DCLK2: variants seen among roughly 807,000 people sequenced by gnomAD.
DCLK2 encodes the protein doublecortin like kinase 2.
Under a neutral mutation model 78.4 loss-of-function variants are expected in DCLK2, and 31 were observed. The ratio of observed to expected loss-of-function variants is 0.40; its 90% CI spans 0.30 to 0.53. The LOEUF (loss-of-function observed/expected upper bound fraction) is 0.53, where lower values mean the gene tolerates loss of function less well. Among genes scored for constraint, DCLK2 ranks in the 20% least tolerant of loss-of-function variants. The probability of loss-of-function intolerance (pLI) is 0.61; values close to 1 mark genes in which losing one functional copy is unlikely to be tolerated. For synonymous variants in DCLK2, 407 were observed against 374.9 expected, an observed-to-expected ratio of 1.09 and a Z score of -0.99; for missense variants, 872 against 973.7, an observed-to-expected ratio of 0.90 and a Z score of 1.39.
intron 2 of DCLK2, among the ~76,000 whole-genome samples, chr4:150,122,248 A>G (rs747405127): frequency 6.6e-6 from 1 of 152,342 alleles, no homozygotes; most frequent in Non-Finnish European, 1.5e-5. Context: ...CATATATGCT[A>G]TTACTGGGTA....
chr4:150,206,025 A>C (rs1010174104), intron 5 of DCLK2, among the ~76,000 whole-genome samples: 2 of 152,186 alleles, frequency 1.3e-5, no homozygotes, highest in Admixed American at 6.5e-5. Flanking sequence ...CCGTCTTCCT[A>C]GTCCATCTTC....
chr4:150,172,496 A>G (rs930814419), intron 2 of DCLK2, among the ~76,000 whole-genome samples: 1 of 150,736 alleles, frequency 6.6e-6, no homozygotes, highest in African/African-American at 2.4e-5. Context: ...AGTCTTAGCT[A>G]CTCAGGAGGC....
rs142930743 is a variant in DCLK2, at chr4:150,098,416, C to T, written c.422-4062C>T. On this transcript the variant is annotated intron_variant, in intron 1 of 15. Transcript: ENST00000296550. ...TGAGTGACAGACCAGCTTGTAATAA[C>T]ATTGAAGTCTAGCTATGAGTCAGCC... Among the ~76,000 whole-genome samples the T allele has an allele frequency of 3.0e-3, 464 of 152,302 alleles. 4 individuals are homozygous for T. Among genetic ancestry groups the T allele is most frequent in the African/African-American group, 9.6e-3 (397 of 41,568 alleles).
chr4:150,224,081 T>C (rs1741410106), intron 7 of DCLK2, among the ~76,000 whole-genome samples: 1 of 152,160 alleles, frequency 6.6e-6, no homozygotes, highest in Non-Finnish European at 1.5e-5. Flanking sequence ...TGTAACAGAA[T>C]TGAAATACTT....
At chr4:150,154,267 C>T (rs1207892884) in intron 2 of DCLK2, among the ~76,000 whole-genome samples, 1 of 152,176 alleles carries the variant, frequency 6.6e-6, no homozygotes, top group Non-Finnish European at 1.5e-5. Flanking sequence ...CCTTTAGTTA[C>T]TGTTTCCCGC....
intron 1 of DCLK2, among the ~76,000 whole-genome samples, chr4:150,096,742 T>A (rs2150146084): frequency 6.6e-6 from 1 of 152,202 alleles, no homozygotes; most frequent in South Asian, 2.1e-4. Context: ...AGGTAAGAAG[T>A]ACTTGGGAAC....
intron 15 of DCLK2, chr4:150,253,350 C>T (rs2126651133): frequency 4.9e-6 from 5 of 1,021,070 alleles, no homozygotes; most frequent in Middle Eastern, 2.4e-4. Flanking sequence ...CTGCTGTCAC[C>T]CTAGTGTTCT....
intron 2 of DCLK2, among the ~76,000 whole-genome samples, chr4:150,108,610 A>T (rs1731439749): frequency 6.6e-6 from 1 of 152,074 alleles, no homozygotes; most frequent in South Asian, 2.1e-4. Flanking sequence ...AGTTAAAGGG[A>T]TTGTATAGGA....
At chr4:150,172,624 A>G (rs1052816205) in intron 2 of DCLK2, among the ~76,000 whole-genome samples, 2 of 151,392 alleles carry the variant, frequency 1.3e-5, no homozygotes, top group East Asian at 3.9e-4. Context: ...AAAAAAAAAA[A>G]AAAAAGAAAT....
At chr4:150,104,775 T>TA (rs5862906) in intron 2 of DCLK2, among the ~76,000 whole-genome samples, 9 of 150,768 alleles carry the variant, frequency 6.0e-5, no homozygotes, top group South Asian at 4.2e-4. Flanking sequence ...AAAATTACAC[T>TA]AAAAAAAAAA....
intron 1 of DCLK2, among the ~76,000 whole-genome samples, chr4:150,081,635 T>A (rs1429553832): frequency 6.6e-6 from 1 of 152,054 alleles, no homozygotes; most frequent in Non-Finnish European, 1.5e-5. Flanking sequence ...TGACAATGGG[T>A]CTTTGTTTAA....
Position 150,256,939 on chromosome 4 carries a change from G to A in DCLK2, c.*692G>A, listed in dbSNP as rs1744610528. 6.6e-6 allele frequency: 1 copy of A among 152,250 alleles called. No homozygotes were observed. The highest frequency in any genetic ancestry group is 2.4e-5 in the African/African-American group (1 of 41,458). The allele number at this position is 152,250 out of a possible 1,614,324, so 9.4% of individuals were successfully genotyped here. On this transcript the variant is annotated 3_prime_UTR_variant, in exon 16 of 16. Coordinates refer to ENST00000296550, the MANE Select transcript of DCLK2 (RefSeq NM_001040260.4). ...GCTCAGTATTCATTCATACACAGAC[G>A]ATGGAAGAAGCCACTTCTTCCCTGG...
At chr4:150,102,208 A>G (rs537252189) in intron 1 of DCLK2, among the ~76,000 whole-genome samples, 3 of 152,230 alleles carry the variant, frequency 2.0e-5, no homozygotes, top group Non-Finnish European at 4.4e-5. Context: ...CAAAATGTGG[A>G]GAAATGAATT....
chr4:150,098,337 G>T (rs900462912), intron 1 of DCLK2, among the ~76,000 whole-genome samples: 1 of 152,078 alleles, frequency 6.6e-6, no homozygotes, highest in Non-Finnish European at 1.5e-5. Context: ...GAGTGACTTC[G>T]TATGATATAG....
At chr4:150,228,259 G>C (rs1159176799) in intron 8 of DCLK2, among the ~76,000 whole-genome samples, 1 of 152,172 alleles carries the variant, frequency 6.6e-6, no homozygotes, top group Admixed American at 6.5e-5. Context: ...GCAGGGATTA[G>C]GACTTGATGT....
At position 150,162,821 on chromosome 4, in the gene DCLK2, G is replaced by A. The variant is rs574323624; in HGVS notation, c.757-30317G>A. On this transcript the variant is annotated intron_variant, in intron 2 of 15. Coordinates refer to ENST00000296550, the MANE Select transcript of DCLK2 (RefSeq NM_001040260.4). ...TTGCTGTACGTACTCTTTGCTTCCT[G>A]GGACATTGATAAGTTTAACCTAGAA... 2.0e-5 allele frequency among the ~76,000 whole-genome samples: 3 copies of A among 152,104 alleles called. No homozygotes were observed. The South Asian group carries it at 6.2e-4, about 32-fold the overall frequency.
intron 1 of DCLK2, among the ~76,000 whole-genome samples, chr4:150,101,066 A>C (rs1207394631): frequency 1.3e-5 from 2 of 152,130 alleles, no homozygotes; most frequent in Non-Finnish European, 2.9e-5. Flanking sequence ...CAGCCTGGGC[A>C]ACATAATAAA....
chr4:150,238,255 GATTAATAT>G (rs2126592817), intron 10 of DCLK2, among the ~76,000 whole-genome samples: 1 of 152,050 alleles, frequency 6.6e-6, no homozygotes, highest in South Asian at 2.1e-4. Context: ...TTTCCCATAT[GATTAATAT>G]ATTTGAAAAA....
At chr4:150,173,506 A>G (rs1736706583) in intron 2 of DCLK2, among the ~76,000 whole-genome samples, 1 of 152,174 alleles carries the variant, frequency 6.6e-6, no homozygotes, top group Non-Finnish European at 1.5e-5. Context: ...TGATGAAGCC[A>G]TGGCAGCTCC....
Sources: gnomAD v4.1 joint callset for allele counts (sites outside exome capture counted in the v4.1 genomes callset) on GRCh38, gnomAD v4.1.1 for gene constraint, MANE v1.5 for transcripts, NCBI Gene and HGNC (gene_info 2026-07-23, HGNC 2026-07-21) for gene names.